Variants in RTEL1 observed in about 807,000 individuals in gnomAD.
The protein encoded by RTEL1 is regulator of telomere elongation helicase 1, also known as regulator of telomere length.
Under a neutral mutation model 162.2 loss-of-function variants are expected in RTEL1, and 86 were observed. That is an observed-to-expected ratio of 0.53 (90% CI 0.45 to 0.63). RTEL1 has a LOEUF of 0.63. RTEL1 is among the 30% of genes least tolerant of loss of function. The pLI, the probability that RTEL1 is intolerant of heterozygous loss-of-function variation, is 0.00. For synonymous variants in RTEL1, 958 were observed against 717.9 expected (o/e 1.33, Z -5.35); for missense variants, 1,941 against 1,750.2 (o/e 1.11, Z -1.95).
intron 21 of RTEL1, 132 bp downstream of exon 21, chr20:63,688,737 C>A: frequency 1.3e-6 from 1 of 768,266 alleles, no homozygotes; most frequent in Non-Finnish European, 2.1e-6. Context: ...AGGGCTCCTG[C>A]GTTTCCTTCC....
At chr20:63,681,795 T>C (rs2090482897) in intron 14 of RTEL1, 2 of 985,130 alleles carry the variant, frequency 2.0e-6, no homozygotes, top group Admixed American at 6.2e-5. Context: ...GCCTGTGTCT[T>C]CTCTGTGCGG....
At chr20:63,692,280 G>A (rs1405444122) in intron 28 of RTEL1, 1 of 227,744 alleles carries the variant, frequency 4.4e-6, no homozygotes, top group Non-Finnish European at 8.8e-6. Flanking sequence ...GTGGTGCCCA[G>A]GCAGGGCTGG....
intron 14 of RTEL1, among the ~76,000 whole-genome samples, chr20:63,683,848 T>G (rs2090529501): frequency 6.6e-6 from 1 of 152,232 alleles, no homozygotes; most frequent in African/African-American, 2.4e-5. Context: ...CTCTGTAAGT[T>G]CTGAGGATCC....
rs1461583945 is a variant in RTEL1, at chr20:63,694,871, G to C, written c.3240G>C (p.Leu1080Phe). ...GGTCCGCGGGCTGTAGCCAACTCTT[G>C]GCAGCGCTGACAGCCTATAAGCAAG... ...ALGSAGCSQLLAALTAYKQDD... is the reference protein window; with the variant it reads ...ALGSAGCSQLFAALTAYKQDD... The change falls in exon 32 of 35, where the codon TTG (leucine) becomes TTC (phenylalanine). Residue 1080 changes from leucine to phenylalanine, a missense_variant. Transcript: ENST00000360203. 4 of 1,612,534 alleles carry C rather than the reference G, an allele frequency of 2.5e-6. No individual in the cohort carries two copies. Among genetic ancestry groups the C allele is most frequent in the Middle Eastern group, 1.6e-4 (1 of 6,082 alleles).
Position 63,687,771 on chromosome 20 carries a change from G to T in RTEL1, c.1481+1G>T, listed in dbSNP as rs1224194611. ...CCTCCTTTGCTCTGGAGATGCAGAT[G>T]TACGGGCCACCCCTGCCAGGGCCTG... On this transcript the variant is annotated splice_donor_variant, in intron 17 of 34. Transcript: ENST00000360203. LOFTEE classifies it high-confidence loss of function. 1.3e-6 allele frequency: 2 copies of T among 1,569,484 alleles called. No homozygotes were observed. The highest frequency in any genetic ancestry group is 1.3e-5 in the African/African-American group (1 of 74,090).
chr20:63,693,007 C>G lies in RTEL1; in HGVS notation c.2851+4C>G. On this transcript the variant is annotated splice_donor_region_variant and intron_variant, in intron 29 of 34. Transcript: ENST00000360203. Reference sequence around the variant, plus strand: ...AAGAAGCACAACCTGCTCCAAGGTGCCCTGGCTTGCAGAGGCCACCCACCC... The same window carrying G: ...AAGAAGCACAACCTGCTCCAAGGTGGCCTGGCTTGCAGAGGCCACCCACCC... 1 of 1,612,432 alleles carries G rather than the reference C, an allele frequency of 6.2e-7. No individual in the cohort carries two copies. The highest frequency in any genetic ancestry group is 1.7e-5 in the Admixed American group (1 of 60,010).
At position 63,678,170 on chromosome 20, in the gene RTEL1, T is replaced by G. The variant is rs1039503339; in HGVS notation, c.945T>G (p.Ile315Met). Residue 315 changes from isoleucine to methionine, a missense_variant, in exon 11 of 35, where the codon ATT becomes ATG. By Grantham distance (10) the Ile-to-Met change is conservative. Transcript: ENST00000360203. ...GGCTGAACATGGAGCTGGAAGACAT[T>G]GCAAAGCTGAAGAGTAAGTGTTGCC... ...SPGLNMELED[I>M]AKLKMILLRL... The G allele has an allele frequency of 6.2e-7, 1 of 1,614,040 alleles. No homozygotes were observed. Among genetic ancestry groups the G allele is most frequent in the African/African-American group, 1.3e-5 (1 of 75,022 alleles).
upstream of RTEL1, chr20:63,657,906 A>T (rs1292135132): frequency 6.6e-6 from 1 of 152,388 alleles, no homozygotes; most frequent in Admixed American, 6.5e-5. Context: ...GCTGGAACGC[A>T]GGAGAGGAAG....
In RTEL1 at chr20:63,659,524, G is replaced by A; in HGVS notation, c.102+20G>A. The A allele has an allele frequency of 3.2e-6, 5 of 1,573,642 alleles. No homozygotes were observed. Among genetic ancestry groups the A allele is most frequent in the Non-Finnish European group, 4.4e-6 (5 of 1,143,272 alleles). ...CAGCAGGTAGAGCACAGGCCCCGAG[G>A]AAAGGACTGCGGGTGGGTGGAGCTT... On this transcript the variant is annotated intron_variant, in intron 2 of 34. Transcript: ENST00000360203.
chr20:63,673,114 C>T (rs891784063), intron 9 of RTEL1, among the ~76,000 whole-genome samples: 1 of 150,768 alleles, frequency 6.6e-6, no homozygotes, highest in African/African-American at 2.4e-5. Context: ...AAAATGTTGA[C>T]TGGGCGCGCT....
rs750836127 is a variant in RTEL1, at chr20:63,690,446, G to T, written c.2413+5G>T. 1.3e-6 allele frequency: 2 copies of T among 1,575,442 alleles called. No homozygotes were observed. The highest frequency in any genetic ancestry group is 4.5e-5 in the East Asian group (2 of 44,270). ...GCCTGAAGCAGAGGTCCTCAGGTGCGGACGGGCAGCGCTGGGTGGGCGGTG... is the reference window on the plus strand; with the variant it reads ...GCCTGAAGCAGAGGTCCTCAGGTGCTGACGGGCAGCGCTGGGTGGGCGGTG... On this transcript the variant is annotated splice_donor_5th_base_variant and intron_variant, in intron 26 of 34. Coordinates refer to ENST00000360203, the MANE Select transcript of RTEL1 (RefSeq NM_001283009.2).
chr20:63,688,643 T>A, intron 21 of RTEL1, 38 bp downstream of exon 21: 1 of 1,564,790 alleles, frequency 6.4e-7, no homozygotes, highest in Non-Finnish European at 8.7e-7. Flanking sequence ...TGCTGCCCCC[T>A]CGTGCCTCCC....
chr20:63,679,316 C>G (rs1235725094), intron 12 of RTEL1, among the ~76,000 whole-genome samples: 1 of 152,166 alleles, frequency 6.6e-6, no homozygotes, highest in Non-Finnish European at 1.5e-5. Flanking sequence ...GCGTAATGCT[C>G]AAGGCTCTGG....
rs2090023669 is a variant in RTEL1 at position 63,661,694 on chromosome 20, G to A, written c.302-156G>A. ...GGCTTTTTTGCTGAATTAGGGCACG[G>A]CAGATGCCCACTTCACCCATTTTTG... On this transcript the variant is annotated intron_variant, in intron 3 of 34. Transcript: ENST00000360203. This position sits in a 1 kb window ranked among gnomAD's most constrained non-coding sequence, Gnocchi z 5.1. The A allele has an allele frequency of 2.3e-6, 2 of 861,180 alleles. No homozygotes were observed. Among genetic ancestry groups the A allele is most frequent in the Non-Finnish European group, 3.7e-6 (2 of 545,902 alleles). 53.3% of individuals were successfully genotyped at this position (861,180 alleles called of 1,614,324 possible). A position where few individuals can be genotyped will look rare whatever the true frequency, so the allele number is the denominator to read the frequency against.
At chr20:63,684,688 GT>G (rs1414973121) in intron 14 of RTEL1, among the ~76,000 whole-genome samples, 1 of 152,032 alleles carries the variant, frequency 6.6e-6, no homozygotes, top group Admixed American at 6.5e-5. Flanking sequence ...GGCCAGGCTG[GT>G]CTCGAACTCC....
At chr20:63,693,588 ACCT>A (rs2090865472) in intron 30 of RTEL1, among the ~76,000 whole-genome samples, 36 of 56,904 alleles carry the variant, frequency 6.3e-4, no homozygotes, top group South Asian at 2.5e-3. Flanking sequence ...CACCACCACC[ACCT>A]CCACCTCCAC....
At position 63,690,368 on chromosome 20, in the gene RTEL1, T is replaced by C; in HGVS notation, c.2340T>C (p.Pro780=). The change falls in exon 26 of 35, where the codon CCT becomes CCC. Residue 780 remains proline, a synonymous_variant. Coordinates refer to ENST00000360203, the MANE Select transcript of RTEL1 (RefSeq NM_001283009.2). The part of the protein sequence containing the change: ...GEDAVSEAKS[P]GPFFSTRKAK... ...ATGCTGTCAGCGAGGCCAAGTCGCC[T>C]GGCCCCTTCTTCTCCACCAGGAAAG... 1 of 1,611,566 alleles carries C rather than the reference T, an allele frequency of 6.2e-7. No homozygotes were observed. The highest frequency in any genetic ancestry group is 8.5e-7 in the Non-Finnish European group (1 of 1,179,328).
chr20:63,673,730 C>T (rs570246605), intron 9 of RTEL1, among the ~76,000 whole-genome samples: 6 of 152,312 alleles, frequency 3.9e-5, no homozygotes, highest in Admixed American at 1.3e-4. Context: ...TGAGCCACCG[C>T]GCCCGGCCTG....
intron 14 of RTEL1, chr20:63,682,122 C>A (rs772311436): frequency 5.1e-6 from 5 of 985,352 alleles, no homozygotes; most frequent in Non-Finnish European, 3.6e-6. Context: ...GCTTCCCAGG[C>A]TCCCACTTAT....
Sources: allele counts gnomAD v4.1 joint callset (sites outside exome capture counted in the v4.1 genomes callset), GRCh38; gene constraint gnomAD v4.1.1; non-coding constraint Gnocchi (gnomAD v3.1); transcripts MANE v1.5; gene names NCBI Gene and HGNC (gene_info 2026-07-23, HGNC 2026-07-21).